DEPDC4: variants seen among roughly 807,000 people sequenced by gnomAD.
DEPDC4 encodes DEP domain-containing protein 4.
Under a neutral mutation model 52.0 loss-of-function variants are expected in DEPDC4, and 52 were observed. The observed-to-expected ratio is 1.00, with a 90% CI of 0.80 to 1.26. The LOEUF (loss-of-function observed/expected upper bound fraction) is 1.26, where lower values mean the gene tolerates loss of function less well. Ranked by LOEUF, DEPDC4 falls within the 50% of genes most tolerant of loss-of-function variation. The probability of loss-of-function intolerance (pLI) is 0.00; values close to 1 mark genes in which losing one functional copy is unlikely to be tolerated. For synonymous variants in DEPDC4, 201 were observed against 196.8 expected, an observed-to-expected ratio of 1.02 and a Z score of -0.18; for missense variants, 530 against 546.9, an observed-to-expected ratio of 0.97 and a Z score of 0.31.
At position 100,241,839 on chromosome 12, in the gene DEPDC4, G is replaced by GT; in HGVS notation, c.*52dup. The stretch of plus-strand genomic sequence containing the variant: ...CTTGTATGTCAAGGGTTGGCAAAAC[G>GT]TAAAGCCTGGAAAAAAAAAAAAAAA... On this transcript the variant is annotated 3_prime_UTR_variant, in exon 10 of 10. Transcript: ENST00000550587. 1 of 1,084,252 alleles carries GT rather than the reference G, an allele frequency of 9.2e-7. No individual in the cohort carries two copies. Among genetic ancestry groups the GT allele is most frequent in the Non-Finnish European group, 1.1e-6 (1 of 879,740 alleles). The allele number at this position is 1,084,252 out of a possible 1,614,324, so 67.2% of individuals were successfully genotyped here.
At position 100,267,018 on chromosome 12, in the gene DEPDC4, A is replaced by G; in HGVS notation, c.59T>C (p.Phe20Ser). The G allele has an allele frequency of 3.7e-6, 6 of 1,613,992 alleles. No homozygotes were observed. The highest frequency in any genetic ancestry group is 5.1e-6 in the Non-Finnish European group (6 of 1,179,930). The change falls in exon 1 of 10, where the codon TTC (phenylalanine) becomes TCC (serine). Residue 20 changes from phenylalanine (F) to serine (S), a missense_variant. Physicochemically the swap from Phe to Ser is radical, Grantham distance 155 (BLOSUM62 -2). Coordinates refer to ENST00000550587, the MANE Select transcript of DEPDC4 (RefSeq NM_001364818.2). ...ELMAVLLTPR[F>S]RRLVSQNELP... ...CTCGTTCTGACTGACAAGTCTACGG[A>G]ACCTCGGAGTCAAAAGAACCGCCAT...
chr12:100,256,802 C>T (rs1001894094), intron 3 of DEPDC4, among the ~76,000 whole-genome samples: 12 of 151,314 alleles, frequency 7.9e-5, no homozygotes, highest in African/African-American at 2.4e-4. Context: ...CCACCATGCC[C>T]GGCTAATTTT....
intron 3 of DEPDC4, among the ~76,000 whole-genome samples, chr12:100,256,680 T>C (rs945085017): frequency 6.6e-6 from 1 of 151,494 alleles, no homozygotes; most frequent in Admixed American, 6.6e-5. Flanking sequence ...CTCGCTTTGT[T>C]GCCCAGGCTC....
chr12:100,255,984 T>C (rs2153912505), intron 4 of DEPDC4, 65 bp downstream of exon 4: 1 of 1,235,302 alleles, frequency 8.1e-7, no homozygotes, highest in Non-Finnish European at 1.1e-6. Flanking sequence ...CATCCTAAAA[T>C]ACTAAGGGCA....
chr12:100,274,240 T>C, the DEPDC4 span, among the ~76,000 whole-genome samples: 1 of 152,256 alleles, frequency 6.6e-6, no homozygotes, highest in Admixed American at 6.5e-5. Flanking sequence ...CAAATATTTT[T>C]GCTTGTGTAT....
intron 5 of DEPDC4, among the ~76,000 whole-genome samples, chr12:100,252,741 C>T (rs1389260002): frequency 6.6e-6 from 1 of 152,136 alleles, no homozygotes; most frequent in South Asian, 2.1e-4. Context: ...GTAGCTATAT[C>T]CAGCATTATC....
chr12:100,270,292 T>A (rs1378885774), upstream of DEPDC4, among the ~76,000 whole-genome samples: 1 of 152,110 alleles, frequency 6.6e-6, no homozygotes, highest in Non-Finnish European at 1.5e-5. Context: ...TGGCCGAGAT[T>A]TTATACTTTC....
rs761304517 is a variant in DEPDC4, at chr12:100,267,070, G to A, written c.7C>T (p.Pro3Ser). 39 of 1,612,954 alleles carry A rather than the reference G, an allele frequency of 2.4e-5. No homozygotes were observed. Among genetic ancestry groups the A allele is most frequent in the African/African-American group, 5.3e-5 (4 of 74,928 alleles). Reference sequence around the variant, plus strand: ...AGCTCGCGCGCTGGCTCCTCCCCTGGCACCATAGCCCCGCCCCACCTGACA... The same window carrying A: ...AGCTCGCGCGCTGGCTCCTCCCCTGACACCATAGCCCCGCCCCACCTGACA... MV[P>S]GEEPARELMA... Residue 3 changes from proline (P) to serine (S), a missense_variant, in exon 1 of 10, where the codon CCA (proline) becomes TCA (serine). Pro to Ser is a moderately conservative substitution (Grantham distance 74). Coordinates refer to ENST00000550587, the MANE Select transcript of DEPDC4 (RefSeq NM_001364818.2).
chr12:100,267,027 G>A lies in DEPDC4; in HGVS notation c.50C>T (p.Thr17Ile), dbSNP rs766288348. 9 of 1,613,998 alleles carry A rather than the reference G, an allele frequency of 5.6e-6. No homozygotes were observed. The highest frequency in any genetic ancestry group is 2.2e-5 in the South Asian group (2 of 91,048). ...ACTGACAAGTCTACGGAACCTCGGA[G>A]TCAAAAGAACCGCCATAAGCTCGCG... ...PARELMAVLL[T>I]PRFRRLVSQN... The change falls in exon 1 of 10, where the codon ACT becomes ATT. Residue 17 changes from threonine (T) to isoleucine (I), a missense_variant. Physicochemically the swap from Thr to Ile is moderately conservative, Grantham distance 89 (BLOSUM62 -1). Coordinates refer to ENST00000550587, the MANE Select transcript of DEPDC4 (RefSeq NM_001364818.2).
downstream of DEPDC4, among the ~76,000 whole-genome samples, chr12:100,237,649 C>G (rs796939576): frequency 1.3e-5 from 2 of 152,184 alleles, no homozygotes; most frequent in Non-Finnish European, 2.9e-5. Context: ...TACAGATGGA[C>G]AGATGACTGT....
At chr12:100,261,164 G>A (rs974359444) in intron 3 of DEPDC4, among the ~76,000 whole-genome samples, 1 of 146,044 alleles carries the variant, frequency 6.8e-6, no homozygotes, top group Admixed American at 6.9e-5. Context: ...CTGGGCAACA[G>A]AGCGAGACTC....
upstream of DEPDC4, among the ~76,000 whole-genome samples, chr12:100,271,947 G>A (rs1192062108): frequency 1.3e-5 from 2 of 152,196 alleles, no homozygotes; most frequent in Non-Finnish European, 2.9e-5. Context: ...AGGACTGAAA[G>A]AATTGCCAGT....
intron 3 of DEPDC4, chr12:100,261,841 G>C: frequency 2.2e-6 from 1 of 454,566 alleles, no homozygotes; most frequent in Non-Finnish European, 4.4e-6. Flanking sequence ...TCAGTTCTTG[G>C]AAACAGTAAA....
chr12:100,260,728 T>A (rs572326172), intron 3 of DEPDC4, among the ~76,000 whole-genome samples: 103 of 150,272 alleles, frequency 6.9e-4, no homozygotes, highest in Non-Finnish European at 1.3e-3. Flanking sequence ...ATACAAAAAA[T>A]AAATAAATAA....
chr12:100,263,999 A>G lies in DEPDC4; in HGVS notation c.158-106T>C. On this transcript the variant is annotated intron_variant, in intron 1 of 9. Transcript: ENST00000550587. ...GCTTGTTGAAGGCATATCTGCTGGTAATGTCCTTCTTACGTGTCATCTCAC... is the reference window on the plus strand; with the variant it reads ...GCTTGTTGAAGGCATATCTGCTGGTGATGTCCTTCTTACGTGTCATCTCAC... 3.1e-6 allele frequency: 3 copies of G among 983,342 alleles called. No individual in the cohort carries two copies. In the South Asian group the frequency reaches 5.3e-5, roughly 17 times the overall value. The allele number at this position is 983,342 out of a possible 1,614,324, so 60.9% of individuals were successfully genotyped here.
chr12:100,273,734 T>C, the DEPDC4 span, among the ~76,000 whole-genome samples: 1 of 152,166 alleles, frequency 6.6e-6, no homozygotes, highest in Non-Finnish European at 1.5e-5. Flanking sequence ...GAATACTCCT[T>C]CCCCCCTTAC....
the DEPDC4 span, among the ~76,000 whole-genome samples, chr12:100,279,580 G>C: frequency 6.6e-6 from 1 of 152,132 alleles, no homozygotes; most frequent in African/African-American, 2.4e-5. Context: ...ATTGGGTTTT[G>C]TTCTGGTAGG....
At chr12:100,242,773 A>G (rs773425793) in intron 8 of DEPDC4, among the ~76,000 whole-genome samples, 6 of 152,072 alleles carry the variant, frequency 3.9e-5, no homozygotes, top group African/African-American at 1.4e-4. Flanking sequence ...CTTCTTTCCC[A>G]TCCTGAGTCC....
intron 9 of DEPDC4, 95 bp from the exon 10 acceptor site, chr12:100,241,940 T>A: frequency 1.3e-6 from 1 of 777,522 alleles, no homozygotes. Flanking sequence ...AAACTGGTCT[T>A]ACGGTATGTT....
Sources: allele counts gnomAD v4.1 joint callset (sites outside exome capture counted in the v4.1 genomes callset), GRCh38; gene constraint gnomAD v4.1.1; transcripts MANE v1.5; gene names NCBI Gene and HGNC (gene_info 2026-07-23, HGNC 2026-07-21).